PACSIN2: variants seen among roughly 807,000 people sequenced by gnomAD.
The protein encoded by PACSIN2 is protein kinase C and casein kinase substrate in neurons protein 2.
A neutral mutation model predicts 63.8 loss-of-function variants in PACSIN2; 25 were observed. That is an observed-to-expected ratio of 0.39 (90% CI 0.29 to 0.55). PACSIN2 has a LOEUF of 0.55. Among genes scored for constraint, PACSIN2 ranks in the 20% least tolerant of loss-of-function variants. The pLI is 0.62. For missense variants in PACSIN2, 518 were observed against 646.9 expected, an observed-to-expected ratio of 0.80 and a Z score of 2.16; for synonymous variants, 255 against 256.2, an observed-to-expected ratio of 1.00 and a Z score of 0.05.
intron 1 of PACSIN2, among the ~76,000 whole-genome samples, chr22:42,962,997 G>A (rs1158055704): frequency 6.6e-6 from 1 of 152,314 alleles, no homozygotes; most frequent in East Asian, 1.9e-4. Context: ...ACAGCTGCCC[G>A]ACCACTCTTT....
chr22:42,932,364 C>T (rs1484840839), intron 1 of PACSIN2, among the ~76,000 whole-genome samples: 2 of 152,200 alleles, frequency 1.3e-5, no homozygotes, highest in East Asian at 3.9e-4. Context: ...CCTTCTAACT[C>T]TTTTTATATT....
intron 1 of PACSIN2, among the ~76,000 whole-genome samples, chr22:42,939,111 C>T (rs1933035877): frequency 1.3e-5 from 2 of 152,218 alleles, no homozygotes; most frequent in Non-Finnish European, 1.5e-5. Context: ...GCTCTTAGCT[C>T]ACCTATGCAA....
chr22:42,980,176 T>G (rs1921985066), intron 1 of PACSIN2, among the ~76,000 whole-genome samples: 1 of 152,188 alleles, frequency 6.6e-6, no homozygotes, highest in African/African-American at 2.4e-5. Context: ...AATTCCACAT[T>G]CATGTTGCTT....
chr22:42,949,380 C>A (rs992697228), intron 1 of PACSIN2, among the ~76,000 whole-genome samples: 2 of 152,172 alleles, frequency 1.3e-5, no homozygotes, highest in African/African-American at 4.8e-5. Flanking sequence ...AGGACTTACA[C>A]ACCCATTCTC....
intron 1 of PACSIN2, chr22:42,947,014 C>G (rs950665122): frequency 6.6e-6 from 1 of 152,292 alleles, no homozygotes; most frequent in Non-Finnish European, 1.5e-5. Context: ...GCCTCCTCTC[C>G]GTCAGAGGCA....
chr22:42,984,815 G>A (rs1357560824), intron 1 of PACSIN2, among the ~76,000 whole-genome samples: 2 of 152,126 alleles, frequency 1.3e-5, no homozygotes, highest in South Asian at 2.1e-4. Context: ...TTCCTTCTCA[G>A]CACATCAACA....
intron 8 of PACSIN2, 121 bp from the exon 9 acceptor site, chr22:42,877,131 G>T: frequency 1.9e-6 from 2 of 1,064,422 alleles, no homozygotes; most frequent in Non-Finnish European, 2.8e-6. Context: ...GGAGGGGACC[G>T]TGGTGTTTCA....
At chr22:42,934,924 CT>C (rs201221909) in intron 1 of PACSIN2, among the ~76,000 whole-genome samples, 4 of 149,642 alleles carry the variant, frequency 2.7e-5, no homozygotes, top group African/African-American at 4.9e-5. Flanking sequence ...TTTTCTTTTT[CT>C]TTTTTTTTGA....
At chr22:42,948,426 C>T (rs1186755872) in intron 1 of PACSIN2, among the ~76,000 whole-genome samples, 1 of 152,180 alleles carries the variant, frequency 6.6e-6, no homozygotes, top group African/African-American at 2.4e-5. Flanking sequence ...AAGTGAACTA[C>T]CTAAATACCT....
intron 3 of PACSIN2, 56 bp downstream of exon 3, chr22:42,893,401 C>T (rs1930051259): frequency 3.2e-6 from 5 of 1,570,830 alleles, no homozygotes; most frequent in East Asian, 4.5e-5. Flanking sequence ...TGCCCAGAGC[C>T]CCCGGCTGGG....
chr22:42,968,943 T>A (rs1189808952), intron 1 of PACSIN2, among the ~76,000 whole-genome samples: 1 of 152,110 alleles, frequency 6.6e-6, no homozygotes, highest in Non-Finnish European at 1.5e-5. Context: ...ACTACCGGCA[T>A]CCCAGAGTCT....
intron 2 of PACSIN2, among the ~76,000 whole-genome samples, chr22:42,895,955 C>G (rs1172772909): frequency 6.6e-6 from 1 of 152,206 alleles, no homozygotes; most frequent in Non-Finnish European, 1.5e-5. Flanking sequence ...TGTGGCCTTT[C>G]CACTTCCCTG....
At chr22:42,931,017 A>T (rs902952498) in intron 1 of PACSIN2, among the ~76,000 whole-genome samples, 1 of 152,226 alleles carries the variant, frequency 6.6e-6, no homozygotes, top group African/African-American at 2.4e-5. Flanking sequence ...CGAGTCCAAC[A>T]AGAGTAGAAT....
intron 1 of PACSIN2, among the ~76,000 whole-genome samples, chr22:42,939,845 G>A (rs993279303): frequency 2.0e-5 from 3 of 152,214 alleles, no homozygotes; most frequent in Middle Eastern, 3.4e-3. Context: ...TTGCTTCTTC[G>A]CTAATTAACA....
chr22:42,947,953 C>T (rs1933505394), intron 1 of PACSIN2, among the ~76,000 whole-genome samples: 2 of 152,154 alleles, frequency 1.3e-5, no homozygotes, highest in African/African-American at 2.4e-5. Context: ...CTCACAGGGT[C>T]GATGGACACT....
At chr22:42,920,211 G>C (rs952443948) in intron 1 of PACSIN2, among the ~76,000 whole-genome samples, 2 of 152,178 alleles carry the variant, frequency 1.3e-5, no homozygotes, top group African/African-American at 2.4e-5. Context: ...TGTGAACTCT[G>C]AACAAGGGCT....
chr22:43,010,398 A>ATATATATATATATATATATATATATTTTT, intron 1 of PACSIN2, among the ~76,000 whole-genome samples: 15 of 126,398 alleles, frequency 1.2e-4, no homozygotes, highest in Non-Finnish European at 2.4e-4. Context: ...ATATATATAT[A>ATATATATATATATATATATATATATTTTT]TTTTTTTTTA....
In PACSIN2 at chr22:42,961,012, T is replaced by C. The variant is rs142667137; in HGVS notation, c.-77-48855A>G. On this transcript the variant is annotated intron_variant, in intron 1 of 10. Transcript: ENST00000263246. ...GAAGATACACATGCACACTCCCCCA[T>C]TCCCCTTGGCAAGCCAGGATCTAAG... Among the ~76,000 whole-genome samples, 615 of 152,314 alleles carry C rather than the reference T, an allele frequency of 4.0e-3. 4 individuals are homozygous for C. The highest frequency in any genetic ancestry group is 0.014 in the African/African-American group (592 of 41,570).
intron 1 of PACSIN2, among the ~76,000 whole-genome samples, chr22:42,927,057 C>T (rs1334656249): frequency 6.6e-6 from 1 of 152,150 alleles, no homozygotes; most frequent in Non-Finnish European, 1.5e-5. Flanking sequence ...TAGCACAGAG[C>T]TGTCAAGGCC....
Sources: gnomAD v4.1 joint callset for allele counts (sites outside exome capture counted in the v4.1 genomes callset) on GRCh38, gnomAD v4.1.1 for gene constraint, MANE v1.5 for transcripts, NCBI Gene and HGNC (gene_info 2026-07-23, HGNC 2026-07-21) for gene names.